The following RYR3 variants were observed in gnomAD, a reference collection of about 807,000 sequenced individuals.
RYR3 encodes the protein ryanodine receptor 3.
A neutral mutation model predicts 584.3 loss-of-function variants in RYR3; 207 were observed. The observed-to-expected ratio is 0.35, with a 90% CI of 0.32 to 0.40. The LOEUF is 0.40. Ranked by LOEUF, RYR3 falls within the 10% of genes least tolerant of loss-of-function variation. The pLI is 1.00. For synonymous variants in RYR3, 2,416 were observed against 2,248.5 expected (o/e 1.07, Z -2.11); for missense variants, 5,616 against 6,089.2 (o/e 0.92, Z 2.59).
chr15:33,341,065 G>T (rs924905338), intron 1 of RYR3, among the ~76,000 whole-genome samples: 1 of 152,088 alleles, frequency 6.6e-6, no homozygotes, highest in African/African-American at 2.4e-5. Flanking sequence ...TTGAGACAGA[G>T]TCTCACTCTG....
chr15:33,818,730 T>C (rs985688873), intron 76 of RYR3, 46 bp downstream of exon 76: 12 of 1,363,224 alleles, frequency 8.8e-6, no homozygotes, highest in Non-Finnish European at 1.3e-5. Context: ...CCAGGGATAC[T>C]TGTGTCCACT....
At chr15:33,329,114 A>G (rs1226459716) in intron 1 of RYR3, among the ~76,000 whole-genome samples, 2 of 152,164 alleles carry the variant, frequency 1.3e-5, no homozygotes, top group African/African-American at 4.8e-5. Context: ...GCCGAGGGAC[A>G]GTTTCCTGCT....
intron 95 of RYR3, 141 bp downstream of exon 95, chr15:33,853,228 T>C (rs1474901798): frequency 5.5e-6 from 5 of 903,290 alleles, no homozygotes; most frequent in Non-Finnish European, 8.3e-6. Flanking sequence ...ACAGAAGGGG[T>C]TGGATATGAA....
At chr15:33,473,186 A>G (rs1179652005) in intron 1 of RYR3, among the ~76,000 whole-genome samples, 2 of 152,152 alleles carry the variant, frequency 1.3e-5, no homozygotes, top group Admixed American at 1.3e-4. Flanking sequence ...CTGTATGTGT[A>G]CTTGCCCCCA....
chr15:33,760,737 G>A (rs890816868), intron 60 of RYR3, among the ~76,000 whole-genome samples: 1 of 152,106 alleles, frequency 6.6e-6, no homozygotes, highest in East Asian at 1.9e-4. Context: ...ACTCAGCTCT[G>A]GATCAAGCGG....
At chr15:33,433,565 A>G (rs977804815) in intron 1 of RYR3, among the ~76,000 whole-genome samples, 2 of 152,244 alleles carry the variant, frequency 1.3e-5, no homozygotes, top group African/African-American at 4.8e-5. Context: ...AGGAGTATGA[A>G]AAAGGGTAAG....
At chr15:33,736,564 T>C (rs1171882344) in intron 49 of RYR3, among the ~76,000 whole-genome samples, 1 of 152,198 alleles carries the variant, frequency 6.6e-6, no homozygotes, top group African/African-American at 2.4e-5. Context: ...GATATTTAGC[T>C]GCATTTAATA....
intron 3 of RYR3, among the ~76,000 whole-genome samples, chr15:33,529,321 T>C (rs555793033): frequency 1.4e-4 from 22 of 152,336 alleles, no homozygotes; most frequent in Non-Finnish European, 2.1e-4. Context: ...TTTAGGCTCA[T>C]TATGTGACAT....
chr15:33,673,055 C>T (rs2063944566), intron 38 of RYR3, among the ~76,000 whole-genome samples: 1 of 152,212 alleles, frequency 6.6e-6, no homozygotes, highest in South Asian at 2.1e-4. Context: ...CCACTGTACC[C>T]TTGCCAAAGA....
chr15:33,690,070 C>T (rs1256412182), intron 38 of RYR3, among the ~76,000 whole-genome samples: 6 of 152,230 alleles, frequency 3.9e-5, no homozygotes, highest in Non-Finnish European at 8.8e-5. Context: ...CACATATCAA[C>T]TTCAGGGCAA....
At chr15:33,454,356 C>A (rs547261240) in intron 1 of RYR3, among the ~76,000 whole-genome samples, 8 of 152,320 alleles carry the variant, frequency 5.3e-5, no homozygotes, top group African/African-American at 1.9e-4. Context: ...TACCTACTTT[C>A]CCCATACAGT....
rs1462237800 is a variant in RYR3, at chr15:33,707,036, T to C, written c.6601T>C (p.Phe2201Leu). The C allele has an allele frequency of 1.9e-6, 3 of 1,613,918 alleles. No individual in the cohort carries two copies. Among genetic ancestry groups the C allele is most frequent in the Admixed American group, 3.3e-5 (2 of 60,014 alleles). Residue 2201 changes from phenylalanine (F) to leucine (L), a missense_variant, in exon 43 of 104, where the codon TTT becomes CTT. Phe to Leu is a conservative substitution (Grantham distance 22). Transcript: ENST00000634891. ...EGERYLSFLR[F>L]AVFVNSESVE... ...GGAACGCTACCTGTCCTTCCTGAGG[T>C]TTGCTGTCTTCGTGAACAGTGAGTC...
chr15:33,466,140 A>G (rs1413338385), intron 1 of RYR3, among the ~76,000 whole-genome samples: 1 of 152,158 alleles, frequency 6.6e-6, no homozygotes, highest in East Asian at 1.9e-4. Flanking sequence ...GAGTCCTTAA[A>G]ATACACCTGT....
intron 3 of RYR3, among the ~76,000 whole-genome samples, chr15:33,511,810 G>A (rs1008048152): frequency 2.0e-5 from 3 of 152,004 alleles, no homozygotes; most frequent in Admixed American, 1.3e-4. Flanking sequence ...ACGGAGTCTC[G>A]CTCTGTCGCC....
At chr15:33,362,518 C>G (rs541886647) in intron 1 of RYR3, among the ~76,000 whole-genome samples, 30 of 152,282 alleles carry the variant, frequency 2.0e-4, no homozygotes, top group African/African-American at 6.7e-4. Flanking sequence ...TATAAATCCA[C>G]ACATATGATT....
At position 33,635,743 on chromosome 15, in the gene RYR3, G is replaced by T; in HGVS notation, c.3305G>T (p.Gly1102Val). 1.2e-6 allele frequency: 2 copies of T among 1,613,900 alleles called. No individual in the cohort carries two copies. The highest frequency in any genetic ancestry group is 2.2e-5 in the East Asian group (1 of 44,880). ...GTGACTGGAGGAGACATGCGAGTCG[G>T]CTGGGCGAGGCCAGGCTGTCGACCT... ...EVVTGGDMRV[G>V]WARPGCRPDV... The change falls in exon 26 of 104, where the codon GGC becomes GTC. Residue 1102 changes from glycine (G) to valine (V), a missense_variant. By Grantham distance (109) the Gly-to-Val change is moderately radical. Around this residue, in one of 9 missense-constraint regions of RYR3, gnomAD observed 152 missense variants for 200.9 expected, o/e 0.76. Transcript: ENST00000634891.
chr15:33,739,888 G>A lies in RYR3; in HGVS notation c.7713G>A (p.Gly2571=). The change falls in exon 51 of 104, where the codon GGG becomes GGA. Residue 2571 remains glycine, a synonymous_variant. Transcript: ENST00000634891. ...TGCCTTGTCTCAGTGCTATAGCTGG[G>A]GCCTTGCCACCAGATTATTTAGATA... is the stretch of plus-strand genomic sequence containing the variant. ...MALPCLSAIA[G]ALPPDYLDTR... 6.2e-7 allele frequency: 1 copy of A among 1,613,558 alleles called. No individual in the cohort carries two copies. The highest frequency in any genetic ancestry group is 8.5e-7 in the Non-Finnish European group (1 of 1,179,732).
chr15:33,779,660 GA>G (rs2074256779), intron 64 of RYR3, among the ~76,000 whole-genome samples: 1 of 152,146 alleles, frequency 6.6e-6, no homozygotes, highest in Non-Finnish European at 1.5e-5. Flanking sequence ...CACATGCTGG[GA>G]GAGAGGGACA....
At chr15:33,547,990 TA>T in intron 8 of RYR3, 139 bp from the exon 9 acceptor site, 1 of 653,546 alleles carries the variant, frequency 1.5e-6, no homozygotes. Flanking sequence ...TCTTCCCTCT[TA>T]TTCTGGCTTT....
Sources: allele counts gnomAD v4.1 joint callset (sites outside exome capture counted in the v4.1 genomes callset), GRCh38; gene constraint gnomAD v4.1.1; regional missense constraint gnomAD v4.1.1; transcripts MANE v1.5; gene names NCBI Gene and HGNC (gene_info 2026-07-23, HGNC 2026-07-21).